The following NRG1 variants were observed in gnomAD, a reference collection of about 807,000 sequenced individuals.
The protein encoded by NRG1 is neuregulin 1, also known as pro-neuregulin-1, membrane-bound isoform.
NRG1 carries 18 observed loss-of-function variants against 63.8 expected under a neutral mutation model. That is an observed-to-expected ratio of 0.28 (90% confidence interval 0.19 to 0.42). The LOEUF is 0.42. Ranked by LOEUF, NRG1 falls within the 10% of genes least tolerant of loss-of-function variation. NRG1 has a pLI of 1.00. For synonymous variants in NRG1, 302 were observed against 301.3 expected, an observed-to-expected ratio of 1.00 and a Z score of -0.02; for missense variants, 762 against 814.7, an observed-to-expected ratio of 0.94 and a Z score of 0.79.
intron 1 of NRG1, 46 bp from the exon 2 acceptor site, chr8:32,595,782 T>C: frequency 3.2e-6 from 5 of 1,546,034 alleles, no homozygotes; most frequent in South Asian, 1.2e-5. Flanking sequence ...CTTTGAAAGA[T>C]TGCCTGGTGA....
chr8:32,704,922 A>G (rs1339195509), intron 5 of NRG1, among the ~76,000 whole-genome samples: 1 of 152,210 alleles, frequency 6.6e-6, no homozygotes, highest in Admixed American at 6.5e-5. Context: ...AGTGCCTGTC[A>G]TTCGAGATTT....
chr8:32,699,059 A>G lies in NRG1; in HGVS notation c.503-28890A>G, dbSNP rs1236403503. ...TCTATGGATAAAGACCTTAAAGCTA[A>G]CCCAAAGTTATTTTGCCACATATAC... On this transcript the variant is annotated intron_variant, in intron 5 of 11. Transcript: ENST00000356819. 3.3e-5 allele frequency among the ~76,000 whole-genome samples: 5 copies of G among 152,226 alleles called. No homozygotes were observed. In the East Asian group the frequency reaches 9.6e-4, roughly 29 times the overall value.
At chr8:32,743,596 A>ATATATATATATATATATAT (rs58229077) in intron 7 of NRG1, among the ~76,000 whole-genome samples, 42 of 143,858 alleles carry the variant, frequency 2.9e-4, no homozygotes, top group South Asian at 4.4e-4. Context: ...ATATATATAT[A>ATATATATATATATATATAT]AAACTTAATA....
At chr8:32,461,317 A>C (rs192059309) in intron 1 of NRG1, among the ~76,000 whole-genome samples, 1 of 152,356 alleles carries the variant, frequency 6.6e-6, no homozygotes, top group East Asian at 1.9e-4. Context: ...GAAGGAAATA[A>C]AATAAGTGCC....
chr8:32,529,665 AAC>A (rs941587780), intron 1 of NRG1, among the ~76,000 whole-genome samples: 4 of 151,932 alleles, frequency 2.6e-5, no homozygotes, highest in Non-Finnish European at 4.4e-5. Flanking sequence ...GCACACATTA[AAC>A]ACACACACAC....
intron 1 of NRG1, among the ~76,000 whole-genome samples, chr8:32,458,458 C>A (rs908704766): frequency 6.6e-6 from 1 of 152,194 alleles, no homozygotes; most frequent in East Asian, 1.9e-4. Context: ...TAACCAGAGA[C>A]TTTATCCTGA....
chr8:32,317,487 T>G (rs1210576199), intron 1 of NRG1, among the ~76,000 whole-genome samples: 1 of 152,232 alleles, frequency 6.6e-6, no homozygotes, highest in African/African-American at 2.4e-5. Context: ...CTGTTAAAGA[T>G]ATCAGAGGCT....
chr8:32,081,503 G>T (rs1270593945), intron 1 of NRG1, among the ~76,000 whole-genome samples: 1 of 152,142 alleles, frequency 6.6e-6, no homozygotes, highest in Admixed American at 6.6e-5. Flanking sequence ...AGTCCACGTA[G>T]CCCCAGAACA....
intron 1 of NRG1, among the ~76,000 whole-genome samples, chr8:32,263,035 T>C (rs955662761): frequency 1.3e-5 from 2 of 152,154 alleles, no homozygotes; most frequent in African/African-American, 4.8e-5. Flanking sequence ...TGGCTATGTA[T>C]AAAATAAGAT....
intron 1 of NRG1, among the ~76,000 whole-genome samples, chr8:32,444,617 C>A (rs532749586): frequency 3.8e-4 from 58 of 152,284 alleles, no homozygotes; most frequent in Non-Finnish European, 7.2e-4. Context: ...CAGGCATTTC[C>A]CAAAGGGGGA....
At chr8:31,645,045 C>G (rs1326772447) in intron 1 of NRG1, among the ~76,000 whole-genome samples, 1 of 152,144 alleles carries the variant, frequency 6.6e-6, no homozygotes, top group African/African-American at 2.4e-5. Flanking sequence ...AAAGTAAAAA[C>G]TAATTTACAA....
intron 1 of NRG1, among the ~76,000 whole-genome samples, chr8:31,733,164 G>A (rs1488819995): frequency 8.4e-6 from 1 of 118,908 alleles, no homozygotes; most frequent in Non-Finnish European, 1.9e-5. Context: ...TTTTTTTTAT[G>A]GCTGAATAGC....
At position 31,907,345 on chromosome 8, in the gene NRG1, C is replaced by CT. The variant is rs11314573; in HGVS notation, c.37+267932dup. Among the ~76,000 whole-genome samples the CT allele has an allele frequency of 0.015, 2,038 of 137,086 alleles. 82 individuals carry two copies. In the East Asian group the frequency reaches 0.18, roughly 12 times the overall value. The allele number at this position is 137,086 out of a possible 152,430, so 89.9% of individuals were successfully genotyped here. ...AAGCCTTCAGGCAAAGCAGATGATCCTTTTTTTTTTTTTTTTTTAAGTATC... is the reference window on the plus strand; with the variant it reads ...AAGCCTTCAGGCAAAGCAGATGATCCTTTTTTTTTTTTTTTTTTTAAGTATC... On this transcript the variant is annotated intron_variant, in intron 1 of 10. Transcript: ENST00000519301.
intron 1 of NRG1, among the ~76,000 whole-genome samples, chr8:32,277,925 C>G (rs1456969503): frequency 6.6e-6 from 1 of 152,220 alleles, no homozygotes; most frequent in Admixed American, 6.5e-5. Flanking sequence ...TGCACTGAGC[C>G]ATGCTTCCCA....
chr8:31,727,704 G>C (rs2131337656), intron 1 of NRG1, among the ~76,000 whole-genome samples: 1 of 152,262 alleles, frequency 6.6e-6, no homozygotes, highest in South Asian at 2.1e-4. Flanking sequence ...GAATGCCCCA[G>C]TGAATGCCTG....
At chr8:32,103,743 T>C (rs1267949236) in intron 1 of NRG1, among the ~76,000 whole-genome samples, 1 of 152,082 alleles carries the variant, frequency 6.6e-6, no homozygotes, top group African/African-American at 2.4e-5. Context: ...TTTTCAAGCT[T>C]CTTAATTTGT....
rs1563265063 is a variant in NRG1 at position 31,660,020 on chromosome 8, GC to G, written c.37+20592del. 2.0e-5 allele frequency among the ~76,000 whole-genome samples: 3 copies of G among 152,260 alleles called. No individual in the cohort carries two copies. The East Asian group carries it at 5.8e-4, about 29-fold the overall frequency. On this transcript the variant is annotated intron_variant, in intron 1 of 10. Coordinates refer to the NRG1 transcript ENST00000519301. ...CTGTCTCAGAGGGGTTACGGAATTT[GC>G]CCAAGACACACAGCTGAGTGGTGAA... is the stretch of plus-strand genomic sequence containing the variant.
chr8:31,641,103 T>G (rs894931373), intron 1 of NRG1, among the ~76,000 whole-genome samples: 5 of 152,050 alleles, frequency 3.3e-5, no homozygotes, highest in Non-Finnish European at 4.4e-5. Flanking sequence ...GGAGGAAGGG[T>G]GAGTCCCGCA....
chr8:32,383,440 T>C (rs1810600876), intron 1 of NRG1, among the ~76,000 whole-genome samples: 1 of 152,218 alleles, frequency 6.6e-6, no homozygotes, highest in South Asian at 2.1e-4. Context: ...TAGCCATACC[T>C]AGGTCACATA....
Sources: gnomAD v4.1 joint callset for allele counts (sites outside exome capture counted in the v4.1 genomes callset) on GRCh38, gnomAD v4.1.1 for gene constraint, MANE v1.5 for transcripts, NCBI Gene and HGNC (gene_info 2026-07-23, HGNC 2026-07-21) for gene names.